CACNA1G: variants seen among roughly 807,000 people sequenced by gnomAD.
CACNA1G encodes the protein calcium voltage-gated channel subunit alpha1 G.
CACNA1G carries 67 observed loss-of-function variants against 219.4 expected under a neutral mutation model. The ratio of observed to expected loss-of-function variants is 0.31; its 90% CI spans 0.25 to 0.37. CACNA1G has a LOEUF of 0.37. Among genes scored for constraint, CACNA1G ranks in the 10% least tolerant of loss-of-function variants. The probability of loss-of-function intolerance (pLI) is 1.00; values close to 1 mark genes in which losing one functional copy is unlikely to be tolerated. For missense variants in CACNA1G, 2,380 were observed against 3,231.4 expected, an observed-to-expected ratio of 0.74 and a Z score of 6.39; for synonymous variants, 1,296 against 1,345.3, an observed-to-expected ratio of 0.96 and a Z score of 0.80.
intron 34 of CACNA1G, among the ~76,000 whole-genome samples, chr17:50,620,653 C>T (rs1390311597): frequency 2.0e-5 from 3 of 152,162 alleles, no homozygotes; most frequent in African/African-American, 4.8e-5. Flanking sequence ...ATAGAAAAGC[C>T]GAGTCCTCCA....
intron 9 of CACNA1G, among the ~76,000 whole-genome samples, chr17:50,586,319 C>A (rs117551370): frequency 7.8e-4 from 119 of 152,294 alleles, no homozygotes; most frequent in Non-Finnish European, 1.6e-3. Flanking sequence ...CTGGCCCTGC[C>A]GACCTTGTAG....
chr17:50,592,122 G>A, intron 13 of CACNA1G, 30 bp downstream of exon 13: 1 of 1,582,686 alleles, frequency 6.3e-7, no homozygotes, highest in Non-Finnish European at 8.6e-7. Context: ...ACCTCACCCT[G>A]CCCACAGCAG....
rs759369900 is a variant in CACNA1G at position 50,600,131 on chromosome 17, TC to T, written c.3690+277del. Among the ~76,000 whole-genome samples, 5 of 152,080 alleles carry T rather than the reference TC, an allele frequency of 3.3e-5. No homozygotes were observed. The South Asian group carries it at 6.2e-4, about 19-fold the overall frequency. On this transcript the variant is annotated intron_variant, in intron 17 of 37. Transcript: ENST00000359106. This position sits in a 1 kb window ranked among gnomAD's most constrained non-coding sequence, Gnocchi z 4.1. ...GATGTGTATGAATCTTTCATGGCCC[TC>T]CCCCTGTGACTCAGAAAGACCCATC...
In CACNA1G at chr17:50,571,963, C is replaced by A. The variant is rs748875633; in HGVS notation, c.672C>A (p.Ile224=). 2.5e-6 allele frequency: 4 copies of A among 1,614,012 alleles called. No homozygotes were observed. In the South Asian group the frequency reaches 4.4e-5, roughly 18 times the overall value. ...VLLLCFFVFF[I]FGIVGVQLWA... is the part of the protein sequence containing the mutation. ...TGCTCTGCTTCTTCGTCTTCTTCAT[C>A]TTCGGCATCGTCGGCGTCCAGCTGT... Residue 224 remains isoleucine (I), a synonymous_variant, in exon 5 of 38, where the codon ATC becomes ATA. Transcript: ENST00000359106. The surrounding 1 kb of genome is among the most constrained non-coding windows in gnomAD (Gnocchi z 4.3).
intron 1 of CACNA1G, among the ~76,000 whole-genome samples, chr17:50,564,125 AGTGT>A (rs67152102): frequency 0.32 from 43,657 of 138,478 alleles, 7,529 homozygotes; most frequent in East Asian, 0.64. Context: ...CCAGGTAGGA[AGTGT>A]GTGTGTGTGT....
At chr17:50,572,942 GT>G in intron 6 of CACNA1G, 78 bp from the exon 7 acceptor site, 1 of 1,571,596 alleles carries the variant, frequency 6.4e-7, no homozygotes, top group Non-Finnish European at 8.7e-7. Context: ...CAGGGTTGGG[GT>G]GGGGGTCAAG....
intron 1 of CACNA1G, 57 bp from the exon 2 acceptor site, chr17:50,568,813 G>C: frequency 7.1e-7 from 1 of 1,403,290 alleles, no homozygotes; most frequent in Non-Finnish European, 1.0e-6. Context: ...TTAGGGCGGG[G>C]TCGGGGGGCC....
chr17:50,601,181 C>A lies in CACNA1G; in HGVS notation c.3915+7C>A, dbSNP rs2046550542. ...AATTGACCCCCACAGCGCTGTGAGT[C>A]ACCAGCCCCGCTCAGGGCAAGGCCT... On this transcript the variant is annotated splice_region_variant and intron_variant, in intron 19 of 37. Transcript: ENST00000359106. 1 of 1,613,530 alleles carries A rather than the reference C, an allele frequency of 6.2e-7. No individual in the cohort carries two copies. The highest frequency in any genetic ancestry group is 1.1e-5 in the South Asian group (1 of 91,074).
In CACNA1G at chr17:50,605,523, C is replaced by G. The variant is rs550220104; in HGVS notation, c.4297-375C>G. 1.2e-4 allele frequency among the ~76,000 whole-genome samples: 19 copies of G among 152,360 alleles called. No homozygotes were observed. The South Asian group carries it at 3.9e-3, about 32-fold the overall frequency. ...GCTTGTTAAAAGATCGCTGCTCCCC[C>G]ACCTCAGAGTGTATGATTCAGCAGA... is the stretch of plus-strand genomic sequence containing the variant. On this transcript the variant is annotated intron_variant, in intron 22 of 37. Transcript: ENST00000359106.
rs1235692993 is a variant in CACNA1G, at chr17:50,604,075, G to A, written c.4170-80G>A. ...AGGAAGGGACCAGTGGTCAAGGTTGGGGGTGGGGAGCAGGGTCAAGGGACA... is the reference window on the plus strand; with the variant it reads ...AGGAAGGGACCAGTGGTCAAGGTTGAGGGTGGGGAGCAGGGTCAAGGGACA... On this transcript the variant is annotated intron_variant, in intron 21 of 37. Transcript: ENST00000359106. The A allele has an allele frequency of 3.4e-6, 5 of 1,458,012 alleles. No individual in the cohort carries two copies. The African/African-American group carries it at 5.5e-5, about 16-fold the overall frequency. 90.3% of individuals were successfully genotyped at this position (1,458,012 alleles called of 1,614,324 possible).
In CACNA1G at chr17:50,609,935, G is replaced by T. The variant is rs747639757; in HGVS notation, c.4759G>T (p.Glu1587Ter). 1.9e-6 allele frequency: 3 copies of T among 1,609,964 alleles called. No individual in the cohort carries two copies. The highest frequency in any genetic ancestry group is 8.5e-7 in the Non-Finnish European group (1 of 1,179,544). Residue 1587 changes from glutamate to a stop codon, truncating the protein, a stop_gained and splice_region_variant, in exon 26 of 38, where the codon GAA (glutamate) becomes TAA (stop). Transcript: ENST00000359106. LOFTEE classifies it high-confidence loss of function. ...ASGSSASAAS[E>*]AQCKPYYSDY... ...CGGCAGCTCAGCCAGCGCTGCGTCA[G>T]GTACTGCGTCTGGGGTGTGGGCTCA...
chr17:50,625,355 GCA>G (rs1204545307), intron 37 of CACNA1G, among the ~76,000 whole-genome samples: 1 of 152,216 alleles, frequency 6.6e-6, no homozygotes, highest in Admixed American at 6.5e-5. Flanking sequence ...GGGGGAGCAG[GCA>G]CAGTCCTTAT....
rs763696663 is a variant in CACNA1G, at chr17:50,599,541, A to T, written c.3372A>T (p.Pro1124=). 1.2e-6 allele frequency: 2 copies of T among 1,612,816 alleles called. No individual in the cohort carries two copies. Among genetic ancestry groups the T allele is most frequent in the Admixed American group, 3.3e-5 (2 of 59,866 alleles). The change falls in exon 17 of 38, where the codon CCA becomes CCT. Residue 1124 remains proline, a synonymous_variant. Transcript: ENST00000359106. ...GRAPSLKRRS[P]SGERRSLLSG... ...CACCCAGCCTGAAGCGGAGAAGCCC[A>T]AGTGGAGAGCGGCGGTCCCTGTTGT...
In CACNA1G at chr17:50,561,262, C is replaced by A; in HGVS notation, c.-198C>A. On this transcript the variant is annotated 5_prime_UTR_variant, in exon 1 of 38. Transcript: ENST00000359106. Reference sequence around the variant, plus strand: ...ACTCGCGCCGGGCGGGGTTTCCCTGCGCCCCGGCGCCCCGCGGGCAGCATG... The same window carrying A: ...ACTCGCGCCGGGCGGGGTTTCCCTGAGCCCCGGCGCCCCGCGGGCAGCATG... 1 of 583,076 alleles carries A rather than the reference C, an allele frequency of 1.7e-6. No homozygotes were observed. The highest frequency in any genetic ancestry group is 2.9e-6 in the Non-Finnish European group (1 of 344,402). The allele number at this position is 583,076 out of a possible 1,614,324, so 36.1% of individuals were successfully genotyped here. A position where few individuals can be genotyped will look rare whatever the true frequency, so the allele number is the denominator to read the frequency against.
chr17:50,619,538 GTGCACATGTGCA>G, intron 33 of CACNA1G, 133 bp from the exon 34 acceptor site: 2 of 576,804 alleles, frequency 3.5e-6, no homozygotes, highest in Non-Finnish European at 6.0e-6. Flanking sequence ...TTTTGTGTGT[GTGCACATGTGCA>G]TGTGTGTTGT....
In CACNA1G at chr17:50,569,421, T is replaced by C. The variant is rs936684694; in HGVS notation, c.488+123T>C. 3 of 1,064,176 alleles carry C rather than the reference T, an allele frequency of 2.8e-6. No homozygotes were observed. The Admixed American group carries it at 5.9e-5, about 21-fold the overall frequency. The allele number at this position is 1,064,176 out of a possible 1,614,324, so 65.9% of individuals were successfully genotyped here. On this transcript the variant is annotated intron_variant, in intron 3 of 37. Transcript: ENST00000359106. The stretch of plus-strand genomic sequence containing the variant: ...TACAGCACCACTTTCTCCCTGGCTA[T>C]CTCCTGAGGGTCTGAGGCTGCCCTG...
At position 50,577,321 on chromosome 17, in the gene CACNA1G, G is replaced by A. The variant is rs1286959799; in HGVS notation, c.1925-867G>A. 2.0e-5 allele frequency among the ~76,000 whole-genome samples: 3 copies of A among 152,030 alleles called. No homozygotes were observed. The East Asian group carries it at 5.8e-4, about 29-fold the overall frequency. On this transcript the variant is annotated intron_variant, in intron 8 of 37. Transcript: ENST00000359106. Reference sequence around the variant, plus strand: ...GAGAGCCCACCTGGGGCCAGGCCCTGAGCGGGGGGCTTCCACATCCATGCT... The same window carrying A: ...GAGAGCCCACCTGGGGCCAGGCCCTAAGCGGGGGGCTTCCACATCCATGCT...
At chr17:50,584,044 A>G (rs1568032120) in intron 9 of CACNA1G, among the ~76,000 whole-genome samples, 1 of 152,048 alleles carries the variant, frequency 6.6e-6, no homozygotes, top group Non-Finnish European at 1.5e-5. Context: ...AGATAACCCG[A>G]AGTTTCTAAG....
chr17:50,626,128 G>T lies in CACNA1G; in HGVS notation c.6511G>T (p.Gly2171Cys). Reference protein sequence around the residue: ...PPLARAYSFWGQSSTQAQQHS... With the variant: ...PPLARAYSFWCQSSTQAQQHS... ...CCTGGCCCGGGCCTACTCTTTCTGG[G>T]GCCAGTCAAGTACCCAGGCACAGCA... Residue 2171 changes from glycine (G) to cysteine (C), a missense_variant, in exon 38 of 38, where the codon GGC becomes TGC. Gly to Cys is a radical substitution (Grantham distance 159). This residue lies in a region of CACNA1G where 672 missense variants were observed against 670.5 expected (regional missense o/e 1.00). Transcript: ENST00000359106. This position sits in a 1 kb window ranked among gnomAD's most constrained non-coding sequence, Gnocchi z 4.3. 6.2e-7 allele frequency: 1 copy of T among 1,613,706 alleles called. No individual in the cohort carries two copies. The highest frequency in any genetic ancestry group is 1.1e-5 in the South Asian group (1 of 91,072).
Sources: allele counts gnomAD v4.1 joint callset (sites outside exome capture counted in the v4.1 genomes callset), GRCh38; gene constraint gnomAD v4.1.1; regional missense constraint gnomAD v4.1.1; non-coding constraint Gnocchi (gnomAD v3.1); transcripts MANE v1.5; gene names NCBI Gene and HGNC (gene_info 2026-07-23, HGNC 2026-07-21).